The following ZNF503 variants were observed in gnomAD, a reference collection of about 807,000 sequenced individuals.
ZNF503 encodes zinc finger protein 503.
Under a neutral mutation model 34.4 loss-of-function variants are expected in ZNF503, and 15 were observed. The observed-to-expected ratio is 0.44, with a 90% CI of 0.29 to 0.67. The LOEUF is 0.67. Ranked by LOEUF, ZNF503 falls within the 30% of genes least tolerant of loss-of-function variation. The probability of loss-of-function intolerance (pLI) is 0.13; values close to 1 mark genes in which losing one functional copy is unlikely to be tolerated. For missense variants in ZNF503, 1,007 were observed against 926.8 expected (o/e 1.09, Z -1.12); for synonymous variants, 580 against 456.8 (o/e 1.27, Z -3.44).
the ZNF503 span, among the ~76,000 whole-genome samples, chr10:75,346,831 A>T: frequency 1.3e-5 from 2 of 148,248 alleles, no homozygotes; most frequent in Non-Finnish European, 3.0e-5. Flanking sequence ...TTGTAGACAC[A>T]GGGTCTCCCT....
the ZNF503 span, chr10:75,343,412 C>G: frequency 1.3e-5 from 2 of 152,266 alleles, no homozygotes; most frequent in African/African-American, 4.8e-5. Flanking sequence ...CACATGGATT[C>G]GGTGTGTTGT....
chr10:75,394,515 G>T (rs548708058), downstream of ZNF503, among the ~76,000 whole-genome samples: 18 of 152,376 alleles, frequency 1.2e-4, no homozygotes, highest in African/African-American at 4.1e-4. Flanking sequence ...AGTCTTCTGT[G>T]TAAGTACTGT....
chr10:75,307,066 A>G, the ZNF503 span, among the ~76,000 whole-genome samples: 5 of 152,136 alleles, frequency 3.3e-5, no homozygotes, highest in Non-Finnish European at 7.3e-5. Context: ...GTCCAAGTGA[A>G]AGAAAGAGCC....
the ZNF503 span, among the ~76,000 whole-genome samples, chr10:75,315,149 C>T: frequency 6.6e-6 from 1 of 152,106 alleles, no homozygotes; most frequent in Non-Finnish European, 1.5e-5. Flanking sequence ...TGCTTGAGGC[C>T]AAGAATTCGA....
the ZNF503 span, among the ~76,000 whole-genome samples, chr10:75,339,392 G>A: frequency 6.6e-6 from 1 of 152,170 alleles, no homozygotes; most frequent in African/African-American, 2.4e-5. Flanking sequence ...ATGGCCAAAG[G>A]CACCGGGTCA....
chr10:75,396,701 G>A (rs1031405598), downstream of ZNF503, among the ~76,000 whole-genome samples: 7 of 152,038 alleles, frequency 4.6e-5, no homozygotes, highest in South Asian at 6.2e-4. The surrounding 1 kb of genome is among the most constrained non-coding windows in gnomAD (Gnocchi z 4.4). Flanking sequence ...AGTTTGGGGT[G>A]CGCTCTCAGA....
the ZNF503 span, among the ~76,000 whole-genome samples, chr10:75,299,601 G>A: frequency 2.6e-5 from 4 of 152,110 alleles, no homozygotes; most frequent in South Asian, 2.1e-4. Context: ...GCCAGATATC[G>A]GGCAAAATTC....
Position 75,401,433 on chromosome 10 carries a change from G to A in ZNF503, c.-14C>T. ...CGCTGTGCTCATGACCCACCCGCGC[G>A]CATGGGAGCAGCGGGGGGGAGGGCT... On this transcript the variant is annotated 5_prime_UTR_variant, in exon 1 of 2. Transcript: ENST00000372524. The A allele has an allele frequency of 1.3e-6, 2 of 1,531,788 alleles. No individual in the cohort carries two copies. Among genetic ancestry groups the A allele is most frequent in the Non-Finnish European group, 8.7e-7 (1 of 1,144,442 alleles). The allele number at this position is 1,531,788 out of a possible 1,614,324, so 94.9% of individuals were successfully genotyped here.
downstream of ZNF503, among the ~76,000 whole-genome samples, chr10:75,393,133 C>A (rs1017348493): frequency 1.3e-5 from 2 of 152,202 alleles, no homozygotes; most frequent in African/African-American, 4.8e-5. Context: ...CTTTTAATAG[C>A]CCAGATACCC....
the ZNF503 span, chr10:75,382,521 C>T: frequency 5.5e-6 from 4 of 723,980 alleles, no homozygotes; most frequent in Admixed American, 1.0e-4. Flanking sequence ...TCCTTATCTT[C>T]CTCAGAAGAG....
At chr10:75,367,665 G>A in the ZNF503 span, among the ~76,000 whole-genome samples, 2 of 152,184 alleles carry the variant, frequency 1.3e-5, no homozygotes, top group Non-Finnish European at 1.5e-5. Flanking sequence ...TTTGTGCAGC[G>A]ATTTGCATAT....
At chr10:75,375,208 C>A in the ZNF503 span, among the ~76,000 whole-genome samples, 1 of 152,156 alleles carries the variant, frequency 6.6e-6, no homozygotes, top group African/African-American at 2.4e-5. Context: ...GCAACCCCTG[C>A]CTCCCGAGTT....
the ZNF503 span, among the ~76,000 whole-genome samples, chr10:75,363,036 G>T: frequency 9.2e-5 from 14 of 151,980 alleles, no homozygotes; most frequent in African/African-American, 3.4e-4. Context: ...AGCGGAGGTG[G>T]CAGGAGTCTG....
the ZNF503 span, among the ~76,000 whole-genome samples, chr10:75,297,375 C>A: frequency 6.6e-6 from 1 of 152,176 alleles, no homozygotes; most frequent in African/African-American, 2.4e-5. Flanking sequence ...TTTACTCATT[C>A]AAGAAATGTA....
chr10:75,399,904 G>A lies in ZNF503; in HGVS notation c.786C>T (p.Gly262=), dbSNP rs371110511. The A allele has an allele frequency of 4.7e-5, 75 of 1,603,416 alleles. No individual in the cohort carries two copies. The highest frequency in any genetic ancestry group is 6.2e-5 in the Non-Finnish European group (73 of 1,177,302). The stretch of plus-strand genomic sequence containing the variant: ...AGGCGCCCCCGGTGCCCTTGCCACC[G>A]CCGCCCACGTCGGTGTCTTTCTTGT... The part of the protein sequence containing the change: ...KDDKKDTDVG[G]GGKGTGGASA... The change falls in exon 2 of 2, where the codon GGC becomes GGT. Residue 262 remains glycine, a synonymous_variant. Coordinates refer to ENST00000372524, the MANE Select transcript of ZNF503 (RefSeq NM_032772.6).
Position 75,401,622 on chromosome 10 carries a change from G to A in ZNF503, c.-203C>T, listed in dbSNP as rs1439951568. The A allele has an allele frequency of 3.2e-6, 2 of 628,464 alleles. No homozygotes were observed. The highest frequency in any genetic ancestry group is 7.1e-5 in the East Asian group (2 of 28,198). 38.9% of individuals were successfully genotyped at this position (628,464 alleles called of 1,614,324 possible). ...GTGGCCCGCAGCGGAGCCGTGGCCG[G>A]GCTAGAGGAGCCGGCTGGACTGCGG... On this transcript the variant is annotated 5_prime_UTR_variant, in exon 1 of 2. Transcript: ENST00000372524.
At chr10:75,378,997 C>G in the ZNF503 span, among the ~76,000 whole-genome samples, 25 of 152,122 alleles carry the variant, frequency 1.6e-4, no homozygotes, top group Admixed American at 1.6e-3. Context: ...ACCCCCCAAA[C>G]CCCAGTCCCG....
chr10:75,342,096 C>T, the ZNF503 span, among the ~76,000 whole-genome samples: 1 of 151,970 alleles, frequency 6.6e-6, no homozygotes, highest in Non-Finnish European at 1.5e-5. Flanking sequence ...AATCACTTGG[C>T]TGCAAGGATC....
At chr10:75,321,471 A>G in the ZNF503 span, among the ~76,000 whole-genome samples, 1 of 152,216 alleles carries the variant, frequency 6.6e-6, no homozygotes, top group Non-Finnish European at 1.5e-5. Flanking sequence ...AAGGAACATT[A>G]GGGAAAATTT....
Sources: allele counts gnomAD v4.1 joint callset (sites outside exome capture counted in the v4.1 genomes callset), GRCh38; gene constraint gnomAD v4.1.1; non-coding constraint Gnocchi (gnomAD v3.1); transcripts MANE v1.5; gene names NCBI Gene and HGNC (gene_info 2026-07-23, HGNC 2026-07-21).